The following SUGP1 variants were observed in gnomAD, a reference collection of about 807,000 sequenced individuals.
The protein encoded by SUGP1 is SURP and G-patch domain-containing protein 1.
In SUGP1, 34 loss-of-function variants were observed where a neutral mutation model predicts 76.5. The observed-to-expected ratio is 0.44, with a 90% confidence interval of 0.34 to 0.59. SUGP1 has a LOEUF of 0.59. Among genes scored for constraint, SUGP1 ranks in the 20% least tolerant of loss-of-function variants. The probability of loss-of-function intolerance (pLI) is 0.01; values close to 1 mark genes in which losing one functional copy is unlikely to be tolerated. For synonymous variants in SUGP1, 326 were observed against 326.2 expected (o/e 1.00, Z 0.01); for missense variants, 752 against 851.7 (o/e 0.88, Z 1.46).
At chr19:19,298,314 A>G (rs751833758) in intron 7 of SUGP1, among the ~76,000 whole-genome samples, 9 of 152,146 alleles carry the variant, frequency 5.9e-5, no homozygotes, top group Non-Finnish European at 1.2e-4. Flanking sequence ...CCTGGCCGAC[A>G]TGGTGAAATC....
chr19:19,305,692 T>G (rs959029006), intron 4 of SUGP1, 157 bp downstream of exon 4: 2 of 677,482 alleles, frequency 3.0e-6, no homozygotes, highest in African/African-American at 3.7e-5. Flanking sequence ...TTTGCTCTCC[T>G]CACCTCAGAG....
chr19:19,304,006 C>T (rs776461003), intron 4 of SUGP1, 159 bp from the exon 5 acceptor site: 7 of 1,591,564 alleles, frequency 4.4e-6, no homozygotes, highest in Non-Finnish European at 4.3e-6. Flanking sequence ...AACACCATGA[C>T]GAGGGGGGAG....
At position 19,305,837 on chromosome 19, in the gene SUGP1, C is replaced by T. The variant is rs768213765; in HGVS notation, c.538+12G>A. 3.1e-6 allele frequency: 5 copies of T among 1,587,350 alleles called. No individual in the cohort carries two copies. The highest frequency in any genetic ancestry group is 4.3e-6 in the Non-Finnish European group (5 of 1,164,712). ...CACTGGTGGTGGGGGAGCAGCAGCT[C>T]CCACAACTTACCTTTGATCTCCAGC... is the stretch of plus-strand genomic sequence containing the variant. On this transcript the variant is annotated intron_variant, in intron 4 of 13. Transcript: ENST00000247001.
chr19:19,302,167 A>T, intron 7 of SUGP1, 98 bp downstream of exon 7: 1 of 1,536,216 alleles, frequency 6.5e-7, no homozygotes, highest in South Asian at 1.3e-5. Flanking sequence ...TCACAGTGGG[A>T]CCCCAGCAGG....
At chr19:19,297,470 T>C (rs2061236995) in intron 7 of SUGP1, 126 bp from the exon 8 acceptor site, 1 of 584,152 alleles carries the variant, frequency 1.7e-6, no homozygotes, top group East Asian at 3.0e-5. Context: ...CATGTCATAG[T>C]CACGGTCTCC....
At chr19:19,297,408 C>A (rs1461489570) in intron 7 of SUGP1, 64 bp from the exon 8 acceptor site, 18 of 1,402,628 alleles carry the variant, frequency 1.3e-5, no homozygotes, top group Non-Finnish European at 1.3e-5. Flanking sequence ...TGATTCTGGG[C>A]AGGAGCAGTT....
chr19:19,285,009 A>C (rs537256815), intron 8 of SUGP1, among the ~76,000 whole-genome samples: 1 of 151,566 alleles, frequency 6.6e-6, no homozygotes, highest in African/African-American at 2.4e-5. Flanking sequence ...CTGGGACTAC[A>C]GGCGCCCGCC....
At chr19:19,304,722 C>T (rs1459833166) in intron 4 of SUGP1, among the ~76,000 whole-genome samples, 1 of 152,184 alleles carries the variant, frequency 6.6e-6, no homozygotes, top group Non-Finnish European at 1.5e-5. Flanking sequence ...TTTCTCGCTG[C>T]CAGCAAGTGC....
chr19:19,294,060 G>A (rs944925783), intron 8 of SUGP1, among the ~76,000 whole-genome samples: 2 of 152,044 alleles, frequency 1.3e-5, no homozygotes, highest in Non-Finnish European at 1.5e-5. Flanking sequence ...GGAAGAGCAT[G>A]TCTGTAGTCC....
rs188611777 is a variant in SUGP1 at position 19,279,198 on chromosome 19, C to G, written c.1528+15G>C. ...ATGCCCAGCCCAGCCCGGCCCACCC[C>G]GCTGCCCCACATACCCCTGGTCTTA... On this transcript the variant is annotated intron_variant, in intron 10 of 13. Transcript: ENST00000247001. 3 of 1,578,148 alleles carry G rather than the reference C, an allele frequency of 1.9e-6. No homozygotes were observed. Among genetic ancestry groups the G allele is most frequent in the Middle Eastern group, 2.3e-4 (1 of 4,380 alleles).
intron 3 of SUGP1, among the ~76,000 whole-genome samples, chr19:19,309,424 C>T (rs1276872091): frequency 6.6e-6 from 1 of 152,158 alleles, no homozygotes; most frequent in Non-Finnish European, 1.5e-5. Flanking sequence ...GTTGAGGCTG[C>T]AGTGTGCTAT....
chr19:19,280,364 CTG>C (rs1440962356), intron 8 of SUGP1, 73 bp from the exon 9 acceptor site: 7 of 1,331,720 alleles, frequency 5.3e-6, no homozygotes, highest in East Asian at 2.3e-5. Context: ...CTGGGGTGTG[CTG>C]TGAGTCTCAC....
intron 8 of SUGP1, chr19:19,281,457 A>C (rs1323355588): frequency 6.6e-6 from 1 of 152,156 alleles, no homozygotes; most frequent in African/African-American, 2.4e-5. Flanking sequence ...TAAGCATAAG[A>C]ATCTTCATTC....
At position 19,303,333 on chromosome 19, in the gene SUGP1, G is replaced by A. The variant is rs377357759; in HGVS notation, c.763+15C>T. On this transcript the variant is annotated intron_variant, in intron 6 of 13. Coordinates refer to ENST00000247001, the MANE Select transcript of SUGP1 (RefSeq NM_172231.4). Reference sequence around the variant, plus strand: ...CAGGCCTCCCCAGAATCTCCCACCCGCTCCGTCCACCTACCTTTCTGAGAG... The same window carrying A: ...CAGGCCTCCCCAGAATCTCCCACCCACTCCGTCCACCTACCTTTCTGAGAG... The A allele has an allele frequency of 7.5e-6, 12 of 1,609,024 alleles. No individual in the cohort carries two copies. The African/African-American group carries it at 8.0e-5, about 11-fold the overall frequency.
At chr19:19,292,779 T>C (rs146220863) in intron 8 of SUGP1, among the ~76,000 whole-genome samples, 1 of 152,214 alleles carries the variant, frequency 6.6e-6, no homozygotes, top group Non-Finnish European at 1.5e-5. Context: ...TATGAAAGGA[T>C]TATACACCAT....
At chr19:19,296,876 A>G (rs1444614227) in intron 8 of SUGP1, 113 bp downstream of exon 8, 10 of 966,218 alleles carry the variant, frequency 1.0e-5, no homozygotes, top group African/African-American at 4.9e-5. Flanking sequence ...ATATGGCCAC[A>G]GAAGGAATGA....
At chr19:19,314,144 AAAATAAAT>A (rs57753588) in intron 2 of SUGP1, among the ~76,000 whole-genome samples, 255 of 147,178 alleles carry the variant, frequency 1.7e-3, no homozygotes, top group African/African-American at 5.8e-3. Flanking sequence ...CTCAAAAAAT[AAAATAAAT>A]AAATAAATAA....
At chr19:19,279,651 T>C (rs910375237) in intron 9 of SUGP1, among the ~76,000 whole-genome samples, 1 of 152,160 alleles carries the variant, frequency 6.6e-6, no homozygotes, top group Non-Finnish European at 1.5e-5. Context: ...TCAAGGGTGA[T>C]GTGACGGGGC....
At chr19:19,299,316 C>T (rs1466076182) in intron 7 of SUGP1, among the ~76,000 whole-genome samples, 1 of 152,222 alleles carries the variant, frequency 6.6e-6, no homozygotes, top group Non-Finnish European at 1.5e-5. Context: ...GGGAGATGTG[C>T]TGATGATTTA....
Sources: allele counts gnomAD v4.1 joint callset (sites outside exome capture counted in the v4.1 genomes callset), GRCh38; gene constraint gnomAD v4.1.1; transcripts MANE v1.5; gene names NCBI Gene and HGNC (gene_info 2026-07-23, HGNC 2026-07-21).